The following COMMD2 variants were observed in gnomAD, a reference collection of about 807,000 sequenced individuals.
The protein encoded by COMMD2 is COMM domain containing 2.
Under a neutral mutation model 22.5 loss-of-function variants are expected in COMMD2, and 25 were observed. The observed-to-expected ratio is 1.11, with a 90% CI of 0.81 to 1.55. The LOEUF (loss-of-function observed/expected upper bound fraction) is 1.55. Among genes scored for constraint, COMMD2 ranks in the 40% most tolerant of loss-of-function variants. The pLI is 0.00. For synonymous variants in COMMD2, 98 were observed against 91.2 expected (o/e 1.07, Z -0.42); for missense variants, 223 against 232.9 (o/e 0.96, Z 0.28).
chr3:149,749,132 A>C (rs1716455220), intron 4 of COMMD2, among the ~76,000 whole-genome samples: 1 of 151,708 alleles, frequency 6.6e-6, no homozygotes, highest in Non-Finnish European at 1.5e-5. Flanking sequence ...CTCCTGCCTC[A>C]GCCTCCCAAG....
chr3:149,738,715 A>G lies in COMMD2; in HGVS notation c.*2806T>C, dbSNP rs978411539. On this transcript the variant is annotated 3_prime_UTR_variant, in exon 5 of 5. Transcript: ENST00000473414. ...AGACTTATCTCTTAACCACTTCATA[A>G]GATTAAAACGCTGAAGGGGCACATA... The G allele has an allele frequency of 1.3e-5, 2 of 152,260 alleles. No homozygotes were observed. The highest frequency in any genetic ancestry group is 6.5e-5 in the Admixed American group (1 of 15,298). 9.4% of individuals were successfully genotyped at this position (152,260 alleles called of 1,614,324 possible).
chr3:149,747,947 C>CAAAAA (rs35936225), intron 4 of COMMD2, among the ~76,000 whole-genome samples: 13 of 55,980 alleles, frequency 2.3e-4, no homozygotes, highest in South Asian at 8.7e-4. Flanking sequence ...GACTCCATCT[C>CAAAAA]AAAAAAAAAA....
intron 4 of COMMD2, 66 bp from the exon 5 acceptor site, chr3:149,741,784 T>C: frequency 3.3e-6 from 4 of 1,216,390 alleles, no homozygotes; most frequent in East Asian, 4.7e-5. Context: ...ATAATATTTA[T>C]AATTATCTTA....
intron 4 of COMMD2, among the ~76,000 whole-genome samples, chr3:149,742,777 G>T (rs1716269228): frequency 1.3e-5 from 2 of 151,982 alleles, no homozygotes; most frequent in African/African-American, 4.8e-5. Context: ...GACCAGCCCG[G>T]CCAACATAGT....
chr3:149,750,920 A>G (rs1716511354), intron 3 of COMMD2, 69 bp from the exon 4 acceptor site: 1 of 1,005,220 alleles, frequency 9.9e-7, no homozygotes, highest in East Asian at 2.6e-5. Context: ...GAAATACACA[A>G]AAGAATATGA....
chr3:149,751,715 A>G lies in COMMD2; in HGVS notation c.146-230T>C, dbSNP rs185071257. ...AAAATGCAGAACTGTGGAGACTAGTATCAGGTGCGTAGCCCTTCTCTTGAA... is the reference window on the plus strand; with the variant it reads ...AAAATGCAGAACTGTGGAGACTAGTGTCAGGTGCGTAGCCCTTCTCTTGAA... On this transcript the variant is annotated intron_variant, in intron 2 of 4. Transcript: ENST00000473414. 4.3e-4 allele frequency: 167 copies of G among 386,068 alleles called. 4 individuals are homozygous for G. The Admixed American group carries it at 7.1e-3, about 16-fold the overall frequency. The allele number at this position is 386,068 out of a possible 1,614,324, so 23.9% of individuals were successfully genotyped here.
chr3:149,746,258 A>G (rs1716361841), intron 4 of COMMD2, among the ~76,000 whole-genome samples: 1 of 152,106 alleles, frequency 6.6e-6, no homozygotes, highest in South Asian at 2.1e-4. Flanking sequence ...GGAAGTGGTC[A>G]GACTGTGGAT....
chr3:149,748,732 G>A (rs936818562), intron 4 of COMMD2, among the ~76,000 whole-genome samples: 1 of 152,198 alleles, frequency 6.6e-6, no homozygotes, highest in East Asian at 1.9e-4. Context: ...TAACAAAGGA[G>A]CGTGACTGTG....
At position 149,752,411 on chromosome 3, in the gene COMMD2, G is replaced by A. The variant is rs1716559568; in HGVS notation, c.34C>T (p.His12Tyr). Reference sequence around the variant, plus strand: ...TCCACTTGAGGCAGGAAGGCCAGGTGTTCCTTATGCTCCTCGGACAATTCC... The same window carrying A: ...TCCACTTGAGGCAGGAAGGCCAGGTATTCCTTATGCTCCTCGGACAATTCC... ...LLELSEEHKE[H>Y]LAFLPQVDSA... Residue 12 changes from histidine to tyrosine, a missense_variant, in exon 1 of 5, where the codon CAC becomes TAC. Physicochemically the swap from His to Tyr is moderately conservative, Grantham distance 83. Transcript: ENST00000473414. 11 of 1,614,022 alleles carry A rather than the reference G, an allele frequency of 6.8e-6. No homozygotes were observed. Among genetic ancestry groups the A allele is most frequent in the Non-Finnish European group, 8.5e-6 (10 of 1,180,002 alleles).
chr3:149,751,893 T>TG, intron 2 of COMMD2: 1 of 320,858 alleles, frequency 3.1e-6, no homozygotes, highest in East Asian at 5.2e-5. Context: ...ACCAAATACT[T>TG]GCAATTTACA....
chr3:149,750,590 G>C (rs1037213287), intron 4 of COMMD2, 88 bp downstream of exon 4: 3 of 908,082 alleles, frequency 3.3e-6, no homozygotes, highest in Non-Finnish European at 5.0e-6. Flanking sequence ...CCGCATCTTA[G>C]TTAAGGTGGT....
chr3:149,741,559 T>C lies in COMMD2; in HGVS notation c.562A>G (p.Thr188Ala). 1.2e-6 allele frequency: 2 copies of C among 1,614,148 alleles called. No homozygotes were observed. The highest frequency in any genetic ancestry group is 8.5e-7 in the Non-Finnish European group (1 of 1,180,006). The change falls in exon 5 of 5, where the codon ACA (threonine) becomes GCA (alanine). Residue 188 changes from threonine to alanine, a missense_variant. Coordinates refer to ENST00000473414, the MANE Select transcript of COMMD2 (RefSeq NM_016094.4). The stretch of plus-strand genomic sequence containing the variant: ...CGAACAACTCTCCTACAGTGATTTG[T>C]CTTCATCTCTTCCAATGCTTGTTCC... Reference protein sequence around the residue: ...QLEQALEEMKTNHCRRVVRNI... With the variant: ...QLEQALEEMKANHCRRVVRNI...
rs947405185 is a variant in COMMD2, at chr3:149,751,721, T to G, written c.146-236A>C. On this transcript the variant is annotated intron_variant, in intron 2 of 4. Transcript: ENST00000473414. The stretch of plus-strand genomic sequence containing the variant: ...CAGAACTGTGGAGACTAGTATCAGG[T>G]GCGTAGCCCTTCTCTTGAATACGTA... 6 of 354,138 alleles carry G rather than the reference T, an allele frequency of 1.7e-5. No individual in the cohort carries two copies. In the East Asian group the frequency reaches 2.9e-4, roughly 17 times the overall value. The allele number at this position is 354,138 out of a possible 1,614,324, so 21.9% of individuals were successfully genotyped here.
In COMMD2 at chr3:149,740,539, C is replaced by T. The variant is rs1213761253; in HGVS notation, c.*982G>A. 1 of 152,130 alleles carries T rather than the reference C, an allele frequency of 6.6e-6. No homozygotes were observed. The highest frequency in any genetic ancestry group is 1.9e-4 in the East Asian group (1 of 5,196). The allele number at this position is 152,130 out of a possible 1,614,324, so 9.4% of individuals were successfully genotyped here. A position where few individuals can be genotyped will look rare whatever the true frequency, so the allele number is the denominator to read the frequency against. On this transcript the variant is annotated 3_prime_UTR_variant, in exon 5 of 5. Transcript: ENST00000473414. ...ATATACGACCACACAAATTTGAGTA[C>T]TATTTAAGCCAATTAATTAACCATG... is the stretch of plus-strand genomic sequence containing the variant.
Position 149,752,245 on chromosome 3 carries a change from C to T in COMMD2, c.110G>A (p.Arg37His). ...FGRIAVEFLR[R>H]GANPKIYEGA... Reference sequence around the variant, plus strand: ...TTCGTAGATTTTTGGGTTTGCGCCGCGTCTCAGGAATTCCACAGCAATCCG... The same window carrying T: ...TTCGTAGATTTTTGGGTTTGCGCCGTGTCTCAGGAATTCCACAGCAATCCG... The change falls in exon 2 of 5, where the codon CGC (arginine) becomes CAC (histidine). Residue 37 changes from arginine (R) to histidine (H), a missense_variant. By Grantham distance (29) the Arg-to-His change is conservative. Transcript: ENST00000473414. 6.2e-7 allele frequency: 1 copy of T among 1,614,138 alleles called. No individual in the cohort carries two copies. Among genetic ancestry groups the T allele is most frequent in the Non-Finnish European group, 8.5e-7 (1 of 1,180,012 alleles).
chr3:149,752,276 A>C lies in COMMD2; in HGVS notation c.79T>G (p.Phe27Val). The part of the protein sequence containing the change: ...PQVDSAVVAE[F>V]GRIAVEFLRR... ...AGGAATTCCACAGCAATCCGCCCAA[A>C]CTCGGCGACCACTGCAATGAAAGTC... Residue 27 changes from phenylalanine (F) to valine (V), a missense_variant, in exon 2 of 5, where the codon TTT becomes GTT. Phe to Val is a conservative substitution (Grantham distance 50). Coordinates refer to ENST00000473414, the MANE Select transcript of COMMD2 (RefSeq NM_016094.4). The C allele has an allele frequency of 6.2e-7, 1 of 1,613,878 alleles. No homozygotes were observed.
Position 149,752,214 on chromosome 3 carries a change from G to T in COMMD2, c.141C>A (p.Ala47=), listed in dbSNP as rs748705578. ...CCTTCCCCTTTCCCTTCTTACTGGC[G>T]GCGCCTTCGTAGATTTTTGGGTTTG... The part of the protein sequence containing the change: ...RGANPKIYEG[A]ARKLNVSSDT... Residue 47 remains alanine, a synonymous_variant, in exon 2 of 5, where the codon GCC becomes GCA. Transcript: ENST00000473414. 2 of 1,613,702 alleles carry T rather than the reference G, an allele frequency of 1.2e-6. No homozygotes were observed. Among genetic ancestry groups the T allele is most frequent in the Non-Finnish European group, 1.7e-6 (2 of 1,179,776 alleles).
At chr3:149,748,639 T>C (rs759734754) in intron 4 of COMMD2, among the ~76,000 whole-genome samples, 5 of 152,174 alleles carry the variant, frequency 3.3e-5, no homozygotes, top group Non-Finnish European at 5.9e-5. Flanking sequence ...CGAGATAATA[T>C]TTTAGGCTTT....
chr3:149,752,101 A>G, intron 2 of COMMD2, 109 bp downstream of exon 2: 1 of 898,388 alleles, frequency 1.1e-6, no homozygotes, highest in Non-Finnish European at 1.7e-6. Context: ...TTCTACTACA[A>G]TCGGAACAAG....
Sources: allele counts gnomAD v4.1 joint callset (sites outside exome capture counted in the v4.1 genomes callset), GRCh38; gene constraint gnomAD v4.1.1; transcripts MANE v1.5; gene names NCBI Gene and HGNC (gene_info 2026-07-23, HGNC 2026-07-21).